The following LGALS9 variants were observed in gnomAD, a reference collection of about 807,000 sequenced individuals.
LGALS9 encodes the protein galectin 9.
LGALS9 carries 26 observed loss-of-function variants against 35.9 expected under a neutral mutation model. That is an observed-to-expected ratio of 0.72 (90% CI 0.53 to 1.01). The LOEUF (loss-of-function observed/expected upper bound fraction) is 1.01, where lower values mean the gene tolerates loss of function less well. LGALS9 is among the 50% of genes least tolerant of loss of function. The pLI is 0.00. For missense variants in LGALS9, 347 were observed against 445.8 expected (o/e 0.78, Z 1.99); for synonymous variants, 149 against 172.2 (o/e 0.87, Z 1.06).
At chr17:27,636,137 G>A (rs548729144) in intron 1 of LGALS9, among the ~76,000 whole-genome samples, 130 of 152,338 alleles carry the variant, frequency 8.5e-4, no homozygotes, top group Non-Finnish European at 1.2e-3. Context: ...ACTGAGCTAG[G>A]ATGGGTTTCC....
intron 1 of LGALS9, among the ~76,000 whole-genome samples, chr17:27,636,100 G>A (rs190265354): frequency 6.9e-4 from 102 of 148,408 alleles, no homozygotes; most frequent in African/African-American, 2.1e-3. Context: ...CAGATTTCCT[G>A]GGGCTCTCAC....
At chr17:27,646,461 C>T in intron 7 of LGALS9, 86 bp from the exon 8 acceptor site, 3 of 1,598,620 alleles carry the variant, frequency 1.9e-6, no homozygotes, top group Non-Finnish European at 8.6e-7. Context: ...ACAGTGGAGT[C>T]CTCTCTAGAA....
chr17:27,646,705 C>T, intron 8 of LGALS9, 117 bp downstream of exon 8: 2 of 1,524,632 alleles, frequency 1.3e-6, no homozygotes, highest in Non-Finnish European at 1.8e-6. Context: ...ATTTGTTAAG[C>T]TGAAGGGCTT....
At chr17:27,637,127 T>A (rs2074460788) in intron 1 of LGALS9, among the ~76,000 whole-genome samples, 1 of 152,148 alleles carries the variant, frequency 6.6e-6, no homozygotes. Flanking sequence ...GATAGAACTG[T>A]GCTTTAATGC....
intron 10 of LGALS9, among the ~76,000 whole-genome samples, chr17:27,648,145 A>C (rs1471568194): frequency 1.3e-5 from 2 of 152,238 alleles, no homozygotes; most frequent in African/African-American, 2.4e-5. Context: ...AAGTGATTAT[A>C]CTCTGCAGTC....
At chr17:27,636,342 C>T (rs2074451024) in intron 1 of LGALS9, among the ~76,000 whole-genome samples, 1 of 152,234 alleles carries the variant, frequency 6.6e-6, no homozygotes, top group South Asian at 2.1e-4. Flanking sequence ...CAACAATGAT[C>T]AACTCAGGCC....
At chr17:27,634,924 C>G (rs1301909759) in intron 1 of LGALS9, among the ~76,000 whole-genome samples, 1 of 152,176 alleles carries the variant, frequency 6.6e-6, no homozygotes, top group African/African-American at 2.4e-5. Flanking sequence ...ACTTCCCCCA[C>G]CCACTTTTTA....
At chr17:27,638,167 G>A (rs2074475501) in intron 1 of LGALS9, 96 bp from the exon 2 acceptor site, 1 of 989,000 alleles carries the variant, frequency 1.0e-6, no homozygotes, top group African/African-American at 1.6e-5. Flanking sequence ...CCCTTGCATG[G>A]GGCTGTCAAA....
chr17:27,642,403 A>T, intron 4 of LGALS9, 55 bp downstream of exon 4: 1 of 1,610,570 alleles, frequency 6.2e-7, no homozygotes, highest in Non-Finnish European at 8.5e-7. Context: ...GGCCCAGCGT[A>T]GCTGTGTCTA....
At chr17:27,639,011 G>T (rs1429747027) in intron 2 of LGALS9, among the ~76,000 whole-genome samples, 1 of 152,112 alleles carries the variant, frequency 6.6e-6, no homozygotes, top group Non-Finnish European at 1.5e-5. Flanking sequence ...CTGGTTTAGT[G>T]GGGGACCATG....
intron 5 of LGALS9, among the ~76,000 whole-genome samples, chr17:27,643,903 G>C (rs1466545411): frequency 6.6e-6 from 1 of 152,148 alleles, no homozygotes; most frequent in Non-Finnish European, 1.5e-5. Context: ...CATGACGACA[G>C]GGGTCCAGTT....
intron 1 of LGALS9, among the ~76,000 whole-genome samples, chr17:27,632,453 G>C (rs2074402515): frequency 2.0e-5 from 3 of 152,200 alleles, no homozygotes; most frequent in African/African-American, 7.2e-5. Context: ...AATGGGGAAA[G>C]GAGGCCTGTT....
chr17:27,648,848 T>A lies in LGALS9; in HGVS notation c.934T>A (p.Cys312Ser). 1 of 1,610,290 alleles carries A rather than the reference T, an allele frequency of 6.2e-7. No homozygotes were observed. Among genetic ancestry groups the A allele is most frequent in the Non-Finnish European group, 8.5e-7 (1 of 1,178,374 alleles). The change falls in exon 11 of 11, where the codon TGT becomes AGT. Residue 312 changes from cysteine (C) to serine (S), a missense_variant. Physicochemically the swap from Cys to Ser is moderately radical, Grantham distance 112 (BLOSUM62 -1). Coordinates refer to ENST00000395473, the MANE Select transcript of LGALS9 (RefSeq NM_009587.3). ...RGQSFSVWIL[C>S]EAHCLKVAVD... ...GATCTCTGCACAGGTGTGGATCTTG[T>A]GTGAAGCTCACTGCCTCAAGGTGGC...
chr17:27,644,017 A>C, intron 5 of LGALS9: 1 of 178,522 alleles, frequency 5.6e-6, no homozygotes. Flanking sequence ...AGCCCTTCAA[A>C]TAAAGCCCAA....
intron 3 of LGALS9, among the ~76,000 whole-genome samples, chr17:27,641,712 G>C (rs993963368): frequency 6.6e-6 from 1 of 152,092 alleles, no homozygotes; most frequent in Non-Finnish European, 1.5e-5. Flanking sequence ...GGCAGATCAC[G>C]CCTATAATCT....
Position 27,647,298 on chromosome 17 carries a change from CA to C in LGALS9, c.788del (p.His263ProfsTer6). On this transcript the variant is annotated frameshift_variant, in exon 10 of 11. Transcript: ENST00000395473. LOFTEE classifies it high-confidence loss of function. ...CCACATCAACCTGTGCTCTGGGAAC[CA>C]CATCGCCTTCCACCTGAACCCCCGT... ...RFHINLCSGN[H>X]IAFHLNPRFD... 4 of 1,614,116 alleles carry C rather than the reference CA, an allele frequency of 2.5e-6. No individual in the cohort carries two copies. The highest frequency in any genetic ancestry group is 3.4e-6 in the Non-Finnish European group (4 of 1,180,028).
At chr17:27,646,030 T>G (rs1337499406) in intron 7 of LGALS9, 119 bp downstream of exon 7, 36 of 1,092,304 alleles carry the variant, frequency 3.3e-5, no homozygotes, top group Non-Finnish European at 4.4e-5. Context: ...ATGGGGACAC[T>G]AGGGGCTGAG....
chr17:27,645,338 C>A lies in LGALS9; in HGVS notation c.565C>A (p.Pro189Thr). The change falls in exon 6 of 11, where the codon CCG (proline) becomes ACG (threonine). Residue 189 changes from proline to threonine, a missense_variant. Physicochemically the swap from Pro to Thr is conservative, Grantham distance 38. Coordinates refer to ENST00000395473, the MANE Select transcript of LGALS9 (RefSeq NM_009587.3). ...QKPPGVWPAN[P>T]APITQTVIHT... ...GCCTCCCGGCGTGTGGCCTGCCAAC[C>A]CGGCTCCCATTGTAAGTCTCTTGCT... is the stretch of plus-strand genomic sequence containing the variant. The A allele has an allele frequency of 6.2e-7, 1 of 1,613,766 alleles. No homozygotes were observed. Among genetic ancestry groups the A allele is most frequent in the Non-Finnish European group, 8.5e-7 (1 of 1,179,824 alleles).
rs1428938436 is a variant in LGALS9 at position 27,632,083 on chromosome 17, C to T, written c.39+779C>T. 1.3e-5 allele frequency among the ~76,000 whole-genome samples: 2 copies of T among 152,160 alleles called. 1 individual carries two copies. The highest frequency in any genetic ancestry group is 2.9e-5 in the Non-Finnish European group (2 of 68,000). On this transcript the variant is annotated intron_variant, in intron 1 of 10. Coordinates refer to ENST00000395473, the MANE Select transcript of LGALS9 (RefSeq NM_009587.3). ...CTTCATACACGGAAAATCTGAGGCT[C>T]AGGGAGGCAGAGGCCAGTTGCCAAA...
Sources: allele counts gnomAD v4.1 joint callset (sites outside exome capture counted in the v4.1 genomes callset), GRCh38; gene constraint gnomAD v4.1.1; transcripts MANE v1.5; gene names NCBI Gene and HGNC (gene_info 2026-07-23, HGNC 2026-07-21).